CA10: variants seen among roughly 807,000 people sequenced by gnomAD.
CA10 encodes the protein carbonic anhydrase-related protein 10.
CA10 carries 14 observed loss-of-function variants against 44.2 expected under a neutral mutation model. The observed-to-expected ratio is 0.32, with a 90% CI of 0.21 to 0.50. CA10 has a LOEUF of 0.50. Among genes scored for constraint, CA10 ranks in the 20% least tolerant of loss-of-function variants. CA10 has a pLI of 0.99. For synonymous variants in CA10, 159 were observed against 141.6 expected (o/e 1.12, Z -0.87); for missense variants, 350 against 409.7 (o/e 0.85, Z 1.26).
chr17:52,048,936 C>T (rs780120274), intron 2 of CA10, among the ~76,000 whole-genome samples: 21 of 151,248 alleles, frequency 1.4e-4, no homozygotes, highest in Non-Finnish European at 2.9e-4. Flanking sequence ...AGTCTTGTTG[C>T]AATGACTAAA....
At chr17:51,686,095 G>A (rs1347469092) in intron 4 of CA10, among the ~76,000 whole-genome samples, 5 of 151,944 alleles carry the variant, frequency 3.3e-5, no homozygotes, top group East Asian at 3.9e-4. Flanking sequence ...CGGGGGGGGC[G>A]TCTGTTTCCC....
At chr17:51,870,463 T>A (rs1047912225) in intron 3 of CA10, among the ~76,000 whole-genome samples, 15 of 152,140 alleles carry the variant, frequency 9.9e-5, no homozygotes, top group Non-Finnish European at 1.5e-4. Context: ...TCCATCAAGG[T>A]GCTATAAAAT....
chr17:51,902,359 TAA>T, intron 3 of CA10, among the ~76,000 whole-genome samples: 1 of 152,170 alleles, frequency 6.6e-6, no homozygotes. Context: ...TGTAAAGAAA[TAA>T]GTCACCTCAG....
intron 1 of CA10, among the ~76,000 whole-genome samples, chr17:52,105,856 G>T (rs1224769741): frequency 6.6e-6 from 1 of 152,156 alleles, no homozygotes; most frequent in East Asian, 1.9e-4. Context: ...TGCATCAGGA[G>T]ATTATAAACA....
At position 51,757,216 on chromosome 17, in the gene CA10, G is replaced by A. The variant is rs1905100979; in HGVS notation, c.280-9398C>T. Among the ~76,000 whole-genome samples the A allele has an allele frequency of 3.9e-5, 6 of 152,284 alleles. No homozygotes were observed. The South Asian group carries it at 1.2e-3, about 32-fold the overall frequency. Reference sequence around the variant, plus strand: ...AGAGATCAAAGGGCTGATTTGTAAAGAGTGAATACAAAAAGCCAGTGTGCT... The same window carrying A: ...AGAGATCAAAGGGCTGATTTGTAAAAAGTGAATACAAAAAGCCAGTGTGCT... On this transcript the variant is annotated intron_variant, in intron 3 of 8. Coordinates refer to ENST00000451037, the MANE Select transcript of CA10 (RefSeq NM_020178.5).
chr17:51,868,785 G>C (rs1000613509), intron 3 of CA10, among the ~76,000 whole-genome samples: 1 of 151,874 alleles, frequency 6.6e-6, no homozygotes, highest in Admixed American at 6.6e-5. Context: ...ATAGTCACCA[G>C]CTCTCCTCGA....
Position 51,994,225 on chromosome 17 carries a change from G to A in CA10, c.137-63093C>T, listed in dbSNP as rs544910714. Among the ~76,000 whole-genome samples, 42 of 150,876 alleles carry A rather than the reference G, an allele frequency of 2.8e-4. No homozygotes were observed. In the South Asian group the frequency reaches 7.9e-3, roughly 28 times the overall value. ...CCCCATGGTCCATTGAGGTACAAGAGTAGGGATTAGATTGATACATAATCC... is the reference window on the plus strand; with the variant it reads ...CCCCATGGTCCATTGAGGTACAAGAATAGGGATTAGATTGATACATAATCC... On this transcript the variant is annotated intron_variant, in intron 2 of 8. Coordinates refer to ENST00000451037, the MANE Select transcript of CA10 (RefSeq NM_020178.5).
intron 3 of CA10, among the ~76,000 whole-genome samples, chr17:51,923,822 C>T (rs1439211214): frequency 6.6e-6 from 1 of 152,086 alleles, no homozygotes; most frequent in African/African-American, 2.4e-5. Context: ...TCTCACATTC[C>T]CCCCACCTTG....
At chr17:51,656,797 G>C (rs185880099) in intron 4 of CA10, among the ~76,000 whole-genome samples, 1 of 152,150 alleles carries the variant, frequency 6.6e-6, no homozygotes, top group East Asian at 1.9e-4. Flanking sequence ...TTGGATGCAC[G>C]CTAAAGTTTC....
At chr17:51,899,030 T>C (rs1372608766) in intron 3 of CA10, among the ~76,000 whole-genome samples, 1 of 152,114 alleles carries the variant, frequency 6.6e-6, no homozygotes, top group African/African-American at 2.4e-5. Context: ...GGTTTTCCCA[T>C]CTTAATTTCA....
chr17:51,783,874 A>G (rs1292423008), intron 3 of CA10, among the ~76,000 whole-genome samples: 1 of 152,096 alleles, frequency 6.6e-6, no homozygotes, highest in Non-Finnish European at 1.5e-5. Flanking sequence ...GCCGCTGAGC[A>G]GACAGCACAG....
At chr17:52,025,260 T>A (rs1986265313) in intron 2 of CA10, among the ~76,000 whole-genome samples, 1 of 152,142 alleles carries the variant, frequency 6.6e-6, no homozygotes, top group Non-Finnish European at 1.5e-5. Context: ...ACCAGTGCCC[T>A]AAACAGGGTC....
chr17:52,028,961 C>T (rs989014663), intron 2 of CA10, among the ~76,000 whole-genome samples: 3 of 152,204 alleles, frequency 2.0e-5, no homozygotes, highest in African/African-American at 7.2e-5. Flanking sequence ...ATTTTTCTGG[C>T]ATTACATTCC....
intron 3 of CA10, among the ~76,000 whole-genome samples, chr17:51,778,314 C>G (rs1014003917): frequency 6.6e-6 from 1 of 152,194 alleles, no homozygotes. Context: ...CCAGACTCAA[C>G]TGATGGACTG....
chr17:52,042,490 T>A (rs891859382), intron 2 of CA10, among the ~76,000 whole-genome samples: 1 of 152,064 alleles, frequency 6.6e-6, no homozygotes, highest in South Asian at 2.1e-4. Context: ...TTCTTATATA[T>A]TTTAGATATT....
At chr17:52,021,541 C>T (rs962302410) in intron 2 of CA10, among the ~76,000 whole-genome samples, 9 of 151,938 alleles carry the variant, frequency 5.9e-5, no homozygotes, top group Non-Finnish European at 1.3e-4. Context: ...ATTTGCATTT[C>T]TCTGATAATT....
In CA10 at chr17:51,670,610, T is replaced by G. The variant is rs73987146; in HGVS notation, c.466-16874A>C. Among the ~76,000 whole-genome samples the G allele has an allele frequency of 4.2e-3, 638 of 152,262 alleles. 3 individuals are homozygous for G. The highest frequency in any genetic ancestry group is 0.014 in the African/African-American group (601 of 41,544). On this transcript the variant is annotated intron_variant, in intron 4 of 8. Transcript: ENST00000451037. ...GATCCCTGAGCTCCATTCCAGCTCTTTCTCTGGATTTATCTGTAGCATCCA... is the reference window on the plus strand; with the variant it reads ...GATCCCTGAGCTCCATTCCAGCTCTGTCTCTGGATTTATCTGTAGCATCCA...
chr17:51,831,667 A>AAGCAGCAGCAGC lies in CA10; in HGVS notation c.280-83861_280-83850dup, dbSNP rs66635963. Among the ~76,000 whole-genome samples, 258 of 127,492 alleles carry AAGCAGCAGCAGC rather than the reference A, an allele frequency of 2.0e-3. 9 individuals are homozygous for AAGCAGCAGCAGC. The highest frequency in any genetic ancestry group is 4.8e-3 in the South Asian group (16 of 3,312). 83.6% of individuals were successfully genotyped at this position (127,492 alleles called of 152,430 possible). On this transcript the variant is annotated intron_variant, in intron 3 of 8. Transcript: ENST00000451037. ...TGGATTGTTCCAAGGAGAAAAGAAA[A>AAGCAGCAGCAGC]AGCAGCAGCAGCAGCAGCAGCAGCA...
intron 1 of CA10, among the ~76,000 whole-genome samples, 187 bp downstream of exon 1, chr17:52,157,539 G>C (rs2938135): frequency 0.71 from 88,966 of 125,248 alleles, 30,598 homozygotes; most frequent in African/African-American, 0.83. Context: ...ACCCCCCCCC[G>C]CAAAACACAC....
Sources: gnomAD v4.1 joint callset for allele counts (sites outside exome capture counted in the v4.1 genomes callset) on GRCh38, gnomAD v4.1.1 for gene constraint, MANE v1.5 for transcripts, NCBI Gene and HGNC (gene_info 2026-07-23, HGNC 2026-07-21) for gene names.